The following TMEM154 variants were observed in gnomAD, a reference collection of about 807,000 sequenced individuals.
TMEM154 encodes transmembrane protein 154.
A neutral mutation model predicts 24.5 loss-of-function variants in TMEM154; 27 were observed. The ratio of observed to expected loss-of-function variants is 1.10; its 90% CI spans 0.81 to 1.52. The LOEUF is 1.52. Ranked by LOEUF, TMEM154 falls within the 40% of genes most tolerant of loss-of-function variation. The pLI is 0.00. For synonymous variants in TMEM154, 67 were observed against 76.8 expected, an observed-to-expected ratio of 0.87 and a Z score of 0.67; for missense variants, 228 against 213.4, an observed-to-expected ratio of 1.07 and a Z score of -0.43.
intron 1 of TMEM154, among the ~76,000 whole-genome samples, chr4:152,674,084 A>G (rs1728905148): frequency 6.6e-6 from 1 of 152,132 alleles, no homozygotes; most frequent in African/African-American, 2.4e-5. Flanking sequence ...ATAAAAGGCA[A>G]TCTTTTAAAT....
intron 5 of TMEM154, among the ~76,000 whole-genome samples, chr4:152,642,069 T>C (rs1752269556): frequency 6.6e-6 from 1 of 151,762 alleles, no homozygotes; most frequent in South Asian, 2.1e-4. Flanking sequence ...AGTACAGACA[T>C]GTGCCACACC....
intron 1 of TMEM154, among the ~76,000 whole-genome samples, chr4:152,673,430 A>G (rs574093663): frequency 7.2e-5 from 11 of 152,166 alleles, no homozygotes; most frequent in Non-Finnish European, 1.2e-4. Context: ...CCTCCCGAGT[A>G]GCTGGGACTA....
chr4:152,637,090 A>G (rs907572304), intron 6 of TMEM154, among the ~76,000 whole-genome samples: 3 of 152,178 alleles, frequency 2.0e-5, no homozygotes, highest in Admixed American at 1.3e-4. Flanking sequence ...GAGGCTGTGC[A>G]TGTGTGAGGG....
intron 1 of TMEM154, among the ~76,000 whole-genome samples, chr4:152,657,780 T>C (rs192216975): frequency 3.3e-5 from 5 of 152,242 alleles, no homozygotes; most frequent in Admixed American, 1.3e-4. Context: ...GCAGAAATCT[T>C]ACAGGCCAGG....
At chr4:152,648,636 G>C (rs1457555595) in intron 3 of TMEM154, among the ~76,000 whole-genome samples, 1 of 152,246 alleles carries the variant, frequency 6.6e-6, no homozygotes, top group African/African-American at 2.4e-5. Context: ...TCTGGGAATA[G>C]CAAATACTTC....
intron 1 of TMEM154, among the ~76,000 whole-genome samples, chr4:152,665,735 C>T (rs575992615): frequency 4.0e-5 from 6 of 151,080 alleles, no homozygotes; most frequent in Non-Finnish European, 7.4e-5. Context: ...GATTGTTGGG[C>T]GTAGTCTTAC....
At chr4:152,658,188 T>C (rs976215332) in intron 1 of TMEM154, among the ~76,000 whole-genome samples, 3 of 152,096 alleles carry the variant, frequency 2.0e-5, no homozygotes, top group East Asian at 1.9e-4. Flanking sequence ...TGAATGACCA[T>C]TGAGTCAAGA....
intron 6 of TMEM154, 51 bp downstream of exon 6, chr4:152,640,877 C>G: frequency 3.4e-4 from 290 of 859,824 alleles, no homozygotes; most frequent in Non-Finnish European, 5.0e-4. Context: ...GGTTCCCAAT[C>G]CCCCCGCCCC....
intron 5 of TMEM154, chr4:152,641,292 C>T (rs1752251945): frequency 3.4e-6 from 1 of 294,008 alleles, no homozygotes; most frequent in Non-Finnish European, 6.3e-6. Context: ...CTGCATGTCT[C>T]AGGATAGACA....
chr4:152,641,769 C>T (rs28513397), intron 5 of TMEM154, among the ~76,000 whole-genome samples: 1,563 of 151,250 alleles, frequency 0.01, 28 homozygotes, highest in African/African-American at 0.036. Flanking sequence ...CTCAATGACC[C>T]GCCCCATCCT....
intron 1 of TMEM154, among the ~76,000 whole-genome samples, chr4:152,653,390 A>C (rs955007912): frequency 7.0e-6 from 1 of 141,944 alleles, no homozygotes; most frequent in Non-Finnish European, 1.5e-5. Context: ...CTGTGTCCTA[A>C]TTTTTTTTTT....
At chr4:152,665,578 T>C (rs1259950840) in intron 1 of TMEM154, among the ~76,000 whole-genome samples, 1 of 152,196 alleles carries the variant, frequency 6.6e-6, no homozygotes, top group African/African-American at 2.4e-5. Flanking sequence ...ATTAGAGAGA[T>C]GCATGCCAGG....
At chr4:152,639,976 G>A (rs564848980) in intron 6 of TMEM154, among the ~76,000 whole-genome samples, 5 of 152,234 alleles carry the variant, frequency 3.3e-5, no homozygotes, top group South Asian at 2.1e-4. Flanking sequence ...TGAGGTTTAG[G>A]GGGGAGACGC....
chr4:152,676,256 C>T (rs1300321743), intron 1 of TMEM154, among the ~76,000 whole-genome samples: 1 of 152,164 alleles, frequency 6.6e-6, no homozygotes, highest in African/African-American at 2.4e-5. Context: ...AAATGCAGCT[C>T]TATAATTGAC....
At chr4:152,677,521 T>C (rs1169460908) in intron 1 of TMEM154, among the ~76,000 whole-genome samples, 4 of 152,214 alleles carry the variant, frequency 2.6e-5, no homozygotes, top group African/African-American at 9.6e-5. Flanking sequence ...TAGCTAAAAG[T>C]AGTGTACATT....
At chr4:152,639,106 A>G (rs563378150) in intron 6 of TMEM154, among the ~76,000 whole-genome samples, 1 of 152,216 alleles carries the variant, frequency 6.6e-6, no homozygotes, top group African/African-American at 2.4e-5. Flanking sequence ...GCCCGCCACA[A>G]CGCCTGGCTA....
chr4:152,658,650 T>C (rs1451860084), intron 1 of TMEM154, among the ~76,000 whole-genome samples: 1 of 151,852 alleles, frequency 6.6e-6, no homozygotes, highest in Non-Finnish European at 1.5e-5. Context: ...TTAGCTTTAC[T>C]AAAAATACAA....
intron 3 of TMEM154, among the ~76,000 whole-genome samples, chr4:152,649,804 C>T (rs138781999): frequency 6.6e-6 from 1 of 152,240 alleles, no homozygotes; most frequent in East Asian, 1.9e-4. Context: ...AGAAAAGCAT[C>T]CCCCAGAAAT....
chr4:152,651,698 T>A (rs1728386593), intron 3 of TMEM154, among the ~76,000 whole-genome samples: 1 of 152,266 alleles, frequency 6.6e-6, no homozygotes. Context: ...TGCTTTCCTA[T>A]CATTGTATGT....
Sources: gnomAD v4.1 joint callset for allele counts (sites outside exome capture counted in the v4.1 genomes callset) on GRCh38, gnomAD v4.1.1 for gene constraint, MANE v1.5 for transcripts, NCBI Gene and HGNC (gene_info 2026-07-23, HGNC 2026-07-21) for gene names.